The following ZNF567 variants were observed in gnomAD, a reference collection of about 807,000 sequenced individuals.
The protein encoded by ZNF567 is zinc finger protein 567.
ZNF567 carries 36 observed loss-of-function variants against 53.9 expected under a neutral mutation model. The ratio of observed to expected loss-of-function variants is 0.67; its 90% CI spans 0.51 to 0.88. The LOEUF is 0.88. ZNF567 is among the 40% of genes least tolerant of loss of function. The pLI, the probability that ZNF567 is intolerant of heterozygous loss-of-function variation, is 0.00. For missense variants in ZNF567, 619 were observed against 764.7 expected, an observed-to-expected ratio of 0.81 and a Z score of 2.25; for synonymous variants, 224 against 260.4, an observed-to-expected ratio of 0.86 and a Z score of 1.35.
chr19:36,712,707 C>A, intron 4 of ZNF567, 74 bp from the exon 5 acceptor site: 1 of 1,474,290 alleles, frequency 6.8e-7, no homozygotes, highest in Non-Finnish European at 9.4e-7. Context: ...ATTTGCAGTA[C>A]TGAACATGCC....
At chr19:36,699,458 G>A (rs1460163704) in intron 3 of ZNF567, among the ~76,000 whole-genome samples, 1 of 152,190 alleles carries the variant, frequency 6.6e-6, no homozygotes. Flanking sequence ...ATTCTGTGAA[G>A]AAAGTCAGTG....
chr19:36,726,503 C>G (rs1323520427), downstream of ZNF567, among the ~76,000 whole-genome samples: 2 of 152,208 alleles, frequency 1.3e-5, no homozygotes, highest in Non-Finnish European at 2.9e-5. Flanking sequence ...GGTGGAAGTG[C>G]TCCTCCTCAC....
At chr19:36,721,544 G>A (rs1208925647), downstream of ZNF567, among the ~76,000 whole-genome samples, 1 of 152,092 alleles carries the variant, frequency 6.6e-6, no homozygotes, top group Non-Finnish European at 1.5e-5. Context: ...GCCTTTAGCT[G>A]TCTCTCAATG....
rs997189750 is a variant in ZNF567, at chr19:36,694,894, C to T, written c.9+18C>T. 4.7e-6 allele frequency: 7 copies of T among 1,501,836 alleles called. No individual in the cohort carries two copies. The African/African-American group carries it at 1.0e-4, about 22-fold the overall frequency. 93.0% of individuals were successfully genotyped at this position (1,501,836 alleles called of 1,614,324 possible). ...TGGCTCAGGTAAGGCGATGGTTTCT[C>T]TCTCCTTTCTGAAAGTCTTTTTTTT... On this transcript the variant is annotated intron_variant, in intron 3 of 5. Coordinates refer to ENST00000682579, the MANE Select transcript of ZNF567 (RefSeq NM_001322917.1).
intron 5 of ZNF567, chr19:36,714,575 C>T (rs568024874): frequency 1.5e-5 from 6 of 395,656 alleles, no homozygotes; most frequent in South Asian, 2.6e-4. Context: ...CATACCACCT[C>T]GGCTTTGTTT....
At chr19:36,725,220 G>C (rs1458570253), downstream of ZNF567, among the ~76,000 whole-genome samples, 1 of 151,384 alleles carries the variant, frequency 6.6e-6, no homozygotes, top group Non-Finnish European at 1.5e-5. Context: ...TTTTATTTTT[G>C]AGATGGAGTT....
chr19:36,677,242 G>A, the ZNF567 span, among the ~76,000 whole-genome samples: 1,371 of 143,176 alleles, frequency 9.6e-3, 26 homozygotes, highest in African/African-American at 0.034. Flanking sequence ...GGTGGATCAC[G>A]AGGTCAGGAG....
the ZNF567 span, among the ~76,000 whole-genome samples, chr19:36,676,638 A>G: frequency 6.6e-6 from 1 of 152,212 alleles, no homozygotes. Context: ...TTCGAGGGAT[A>G]ACCATCAAGT....
chr19:36,726,715 C>A (rs2040336134), downstream of ZNF567, among the ~76,000 whole-genome samples: 1 of 152,200 alleles, frequency 6.6e-6, no homozygotes, highest in Non-Finnish European at 1.5e-5. Context: ...ACTGGCCCAG[C>A]AGGTAGTTTA....
At chr19:36,673,313 G>C in the ZNF567 span, among the ~76,000 whole-genome samples, 3 of 152,186 alleles carry the variant, frequency 2.0e-5, no homozygotes, top group Admixed American at 6.6e-5. Flanking sequence ...ACTTATGATG[G>C]TTAATTTTAT....
rs781110550 is a variant in ZNF567, at chr19:36,712,900, A to G, written c.223+33A>G. ...TCTGGCTCTTAGGCAGACACAGTCT[A>G]GCAGAATGTAAATTTAAAAGGGTCA... On this transcript the variant is annotated intron_variant, in intron 5 of 5. Transcript: ENST00000682579. The G allele has an allele frequency of 3.9e-6, 6 of 1,549,846 alleles. No individual in the cohort carries two copies. In the South Asian group the frequency reaches 4.6e-5, roughly 12 times the overall value.
chr19:36,708,288 G>A (rs1333274672), intron 3 of ZNF567, among the ~76,000 whole-genome samples: 1 of 151,954 alleles, frequency 6.6e-6, no homozygotes, highest in African/African-American at 2.4e-5. Flanking sequence ...TTGCATGCTT[G>A]GAAATTTTTT....
chr19:36,696,424 C>A (rs1365136275), intron 3 of ZNF567, among the ~76,000 whole-genome samples: 1 of 152,190 alleles, frequency 6.6e-6, no homozygotes, highest in Non-Finnish European at 1.5e-5. Context: ...TATCCAGCCT[C>A]CAGCTAGATA....
chr19:36,712,757 T>C, intron 4 of ZNF567, 24 bp from the exon 5 acceptor site: 4 of 1,607,066 alleles, frequency 2.5e-6, no homozygotes, highest in Non-Finnish European at 3.4e-6. Flanking sequence ...CCCAATCAAC[T>C]TAAGTCTTTT....
the ZNF567 span, among the ~76,000 whole-genome samples, chr19:36,675,221 A>C: frequency 6.6e-6 from 1 of 152,212 alleles, no homozygotes; most frequent in South Asian, 2.1e-4. Context: ...AATCAGTATC[A>C]CAGCCTATTA....
chr19:36,710,941 C>T (rs761996129), intron 3 of ZNF567, among the ~76,000 whole-genome samples: 8 of 152,130 alleles, frequency 5.3e-5, no homozygotes, highest in Non-Finnish European at 1.0e-4. Context: ...GCTAAGCCCT[C>T]GGTGATCTCT....
upstream of ZNF567, chr19:36,686,791 G>C (rs570713624): frequency 6.6e-6 from 1 of 152,270 alleles, no homozygotes; most frequent in Admixed American, 6.5e-5. Flanking sequence ...TTTCACTGCA[G>C]CTGGGGTCTA....
downstream of ZNF567, among the ~76,000 whole-genome samples, chr19:36,721,523 A>C (rs1198157014): frequency 6.6e-6 from 1 of 152,144 alleles, no homozygotes; most frequent in Non-Finnish European, 1.5e-5. Flanking sequence ...TGAATGCAGT[A>C]TATGTAGAAG....
chr19:36,670,828 G>C, the ZNF567 span, among the ~76,000 whole-genome samples: 1 of 152,236 alleles, frequency 6.6e-6, no homozygotes, highest in East Asian at 1.9e-4. Context: ...TGGGCCGGGC[G>C]TGGTGGCTCA....
Sources: gnomAD v4.1 joint callset for allele counts (sites outside exome capture counted in the v4.1 genomes callset) on GRCh38, gnomAD v4.1.1 for gene constraint, MANE v1.5 for transcripts, NCBI Gene and HGNC (gene_info 2026-07-23, HGNC 2026-07-21) for gene names.